ACACA: variants seen among roughly 807,000 people sequenced by gnomAD.
ACACA encodes the protein acetyl-CoA carboxylase 1.
ACACA carries 103 observed loss-of-function variants against 296.1 expected under a neutral mutation model. The observed-to-expected ratio is 0.35, with a 90% CI of 0.30 to 0.41. The LOEUF (loss-of-function observed/expected upper bound fraction) is 0.41, where lower values mean the gene tolerates loss of function less well. Ranked by LOEUF, ACACA falls within the 10% of genes least tolerant of loss-of-function variation. The probability of loss-of-function intolerance (pLI) is 1.00; values close to 1 mark genes in which losing one functional copy is unlikely to be tolerated. For missense variants in ACACA, 1,554 were observed against 2,989.7 expected, an observed-to-expected ratio of 0.52 and a Z score of 11.20; for synonymous variants, 953 against 1,038.6, an observed-to-expected ratio of 0.92 and a Z score of 1.58.
At position 37,253,473 on chromosome 17, in the gene ACACA, C is replaced by G. The variant is rs549870571; in HGVS notation, c.1827-437G>C. Among the ~76,000 whole-genome samples, 26 of 152,190 alleles carry G rather than the reference C, an allele frequency of 1.7e-4. No individual in the cohort carries two copies. In the South Asian group the frequency reaches 5.0e-3, roughly 29 times the overall value. ...TGAGAGGGAAGGGAGAGAGGCAGTT[C>G]CAAAAACAAATAAGGGTGCACATGT... On this transcript the variant is annotated intron_variant, in intron 14 of 55. Transcript: ENST00000616317.
At chr17:37,250,297 T>C (rs2080921516) in intron 16 of ACACA, among the ~76,000 whole-genome samples, 1 of 152,212 alleles carries the variant, frequency 6.6e-6, no homozygotes, top group African/African-American at 2.4e-5. Flanking sequence ...CTTATCTTTT[T>C]TGTGCCTTTT....
At chr17:37,265,438 A>G (rs1201383622) in intron 10 of ACACA, among the ~76,000 whole-genome samples, 1 of 152,172 alleles carries the variant, frequency 6.6e-6, no homozygotes, top group Non-Finnish European at 1.5e-5. Context: ...TTTTCTCATG[A>G]GTCATGTCCA....
chr17:37,361,636 A>G (rs2049409382), intron 1 of ACACA, among the ~76,000 whole-genome samples: 1 of 152,238 alleles, frequency 6.6e-6, no homozygotes, highest in South Asian at 2.1e-4. Context: ...TGGGCAGAGA[A>G]TGAGCAAAGA....
intron 14 of ACACA, among the ~76,000 whole-genome samples, chr17:37,254,597 T>C (rs528648256): frequency 4.6e-5 from 7 of 152,306 alleles, no homozygotes; most frequent in African/African-American, 1.4e-4. Flanking sequence ...CTCTGGATTG[T>C]AAAGTTTTGT....
chr17:37,402,914 C>T (rs1201417030), intron 1 of ACACA, among the ~76,000 whole-genome samples: 6 of 152,260 alleles, frequency 3.9e-5, no homozygotes, highest in Middle Eastern at 3.4e-3. Flanking sequence ...CCTCGTGATC[C>T]GCCCGCCTCA....
At chr17:37,151,508 A>G in intron 43 of ACACA, 87 bp from the exon 44 acceptor site, 1 of 1,526,002 alleles carries the variant, frequency 6.6e-7, no homozygotes, top group African/African-American at 1.4e-5. Flanking sequence ...AAAGGCGGCT[A>G]AAAGTGTATT....
At chr17:37,147,214 C>T (rs2075849264) in intron 45 of ACACA, among the ~76,000 whole-genome samples, 1 of 152,124 alleles carries the variant, frequency 6.6e-6, no homozygotes, top group South Asian at 2.1e-4. Context: ...CAGGTACATA[C>T]TATGAGCAAA....
chr17:37,343,525 G>C (rs1040483013), intron 1 of ACACA, among the ~76,000 whole-genome samples: 6 of 151,952 alleles, frequency 3.9e-5, no homozygotes, highest in African/African-American at 1.4e-4. Flanking sequence ...CCAGCACTTT[G>C]GGAGGCCAAG....
intron 43 of ACACA, among the ~76,000 whole-genome samples, chr17:37,153,873 C>G (rs889372311): frequency 6.6e-4 from 101 of 152,096 alleles, no homozygotes; most frequent in African/African-American, 2.4e-3. Flanking sequence ...AAAAAAAACC[C>G]CACTCATATA....
chr17:37,298,905 A>G (rs1440045935), intron 3 of ACACA, among the ~76,000 whole-genome samples: 1 of 152,172 alleles, frequency 6.6e-6, no homozygotes. Context: ...AAACTATACA[A>G]TATCTTTCCT....
At chr17:37,155,809 T>C in intron 42 of ACACA, 29 bp from the exon 43 acceptor site, 11 of 1,397,438 alleles carry the variant, frequency 7.9e-6, no homozygotes, top group Non-Finnish European at 1.1e-5. Flanking sequence ...TTTTAACTCA[T>C]TATTTGCCAT....
At chr17:37,185,272 G>A (rs752758285) in intron 39 of ACACA, among the ~76,000 whole-genome samples, 63 of 152,110 alleles carry the variant, frequency 4.1e-4, no homozygotes, top group Middle Eastern at 3.4e-3. Flanking sequence ...TCACTCTCTC[G>A]CCCAGGCTGG....
intron 27 of ACACA, 102 bp downstream of exon 27, chr17:37,224,890 T>G: frequency 2.0e-6 from 1 of 495,300 alleles, no homozygotes; most frequent in Non-Finnish European, 3.4e-6. Context: ...AAATCAAAAT[T>G]AATTAATTAA....
rs557720471 is a variant in ACACA, at chr17:37,217,054, G to C, written c.3683+4670C>G. 8.9e-4 allele frequency among the ~76,000 whole-genome samples: 133 copies of C among 150,200 alleles called. 1 individual carries two copies. Among genetic ancestry groups the C allele is most frequent in the Non-Finnish European group, 8.0e-4 (54 of 67,332 alleles). The stretch of plus-strand genomic sequence containing the variant: ...GAGGCAGGTAGATCACCTGAGTTAG[G>C]GTGTTGGAGACAGCCTGACCAACAC... On this transcript the variant is annotated intron_variant, in intron 29 of 55. Transcript: ENST00000616317.
At chr17:37,165,648 TCTC>T (rs2076636524) in intron 41 of ACACA, among the ~76,000 whole-genome samples, 1 of 151,788 alleles carries the variant, frequency 6.6e-6, no homozygotes, top group Admixed American at 6.6e-5. Context: ...TCTTTTCTGA[TCTC>T]CTACTAAGAC....
intron 39 of ACACA, among the ~76,000 whole-genome samples, chr17:37,187,934 G>C (rs550588689): frequency 6.6e-6 from 1 of 152,108 alleles, no homozygotes; most frequent in Admixed American, 6.5e-5. Flanking sequence ...CGGAAAGGAC[G>C]CATCAGACCA....
intron 39 of ACACA, among the ~76,000 whole-genome samples, chr17:37,185,198 C>A (rs903582826): frequency 1.3e-5 from 2 of 152,028 alleles, no homozygotes; most frequent in African/African-American, 4.8e-5. Flanking sequence ...AAAACGAGTC[C>A]ATTTTATTAT....
chr17:37,271,926 C>T (rs985657122), intron 9 of ACACA, among the ~76,000 whole-genome samples: 2 of 152,186 alleles, frequency 1.3e-5, no homozygotes, highest in Non-Finnish European at 2.9e-5. Context: ...GAGCCAAGAT[C>T]GTGCCAATGC....
chr17:37,330,339 T>C lies in ACACA; in HGVS notation c.172A>G (p.Ile58Val), dbSNP rs766679093. 71 of 1,614,078 alleles carry C rather than the reference T, an allele frequency of 4.4e-5. 2 individuals carry two copies. The highest frequency in any genetic ancestry group is 4.2e-4 in the South Asian group (38 of 91,088). ...LELNQHSRFI[I>V]GSVSEDNSED... ...GAGTTATCTTCAGACACAGAACCTA[T>C]TATGAATCGAGAGTGCTGGTTCAGC... is the stretch of plus-strand genomic sequence containing the variant. Residue 58 changes from isoleucine (I) to valine (V), a missense_variant, in exon 3 of 56, where the codon ATA (isoleucine) becomes GTA (valine). Physicochemically the swap from Ile to Val is conservative, Grantham distance 29 (BLOSUM62 3). This residue lies in a region of ACACA where 140 missense variants were observed against 147.7 expected (regional missense o/e 0.95). Coordinates refer to ENST00000616317, the MANE Select transcript of ACACA (RefSeq NM_198834.3).
Sources: allele counts gnomAD v4.1 joint callset (sites outside exome capture counted in the v4.1 genomes callset), GRCh38; gene constraint gnomAD v4.1.1; regional missense constraint gnomAD v4.1.1; transcripts MANE v1.5; gene names NCBI Gene and HGNC (gene_info 2026-07-23, HGNC 2026-07-21).